The following DAB1 variants were observed in gnomAD, a reference collection of about 807,000 sequenced individuals.
DAB1 encodes disabled homolog 1.
In DAB1, 15 loss-of-function variants were observed where a neutral mutation model predicts 64.6. That is an observed-to-expected ratio of 0.23 (90% CI 0.16 to 0.36). The LOEUF (loss-of-function observed/expected upper bound fraction) is 0.36, where lower values mean the gene tolerates loss of function less well. Among genes scored for constraint, DAB1 ranks in the 10% least tolerant of loss-of-function variants. The probability of loss-of-function intolerance (pLI) is 1.00; values close to 1 mark genes in which losing one functional copy is unlikely to be tolerated. For missense variants in DAB1, 596 were observed against 706.7 expected (o/e 0.84, Z 1.78); for synonymous variants, 235 against 251.9 (o/e 0.93, Z 0.64).
At chr1:58,494,730 C>T (rs1164113660) in intron 3 of DAB1, among the ~76,000 whole-genome samples, 2 of 152,084 alleles carry the variant, frequency 1.3e-5, no homozygotes, top group African/African-American at 4.8e-5. Flanking sequence ...TACCATCTCA[C>T]ACCAGTTAGA....
In DAB1 at chr1:57,270,873, T is replaced by C. The variant is rs191051710; in HGVS notation, c.67+20091A>G. On this transcript the variant is annotated intron_variant, in intron 2 of 14. Coordinates refer to ENST00000371236, the MANE Select transcript of DAB1 (RefSeq NM_001365792.1). ...AGTTTAGGATTCAAACTTGGGCCTG[T>C]TGGAAACATCATACCTGAGCCACCC... Among the ~76,000 whole-genome samples, 310 of 152,264 alleles carry C rather than the reference T, an allele frequency of 2.0e-3. 2 individuals carry two copies. Among genetic ancestry groups the C allele is most frequent in the African/African-American group, 6.9e-3 (286 of 41,560 alleles).
intron 7 of DAB1, among the ~76,000 whole-genome samples, chr1:57,564,755 C>A (rs893955571): frequency 1.3e-5 from 2 of 152,160 alleles, no homozygotes; most frequent in Admixed American, 1.3e-4. Context: ...ACAAAGCCTC[C>A]AAGAAATATG....
At position 57,148,642 on chromosome 1, in the gene DAB1, C is replaced by G. The variant is rs935695172; in HGVS notation, c.68-3213G>C. On this transcript the variant is annotated intron_variant, in intron 2 of 14. Coordinates refer to ENST00000371236, the MANE Select transcript of DAB1 (RefSeq NM_001365792.1). ...GCTTCAAGATGGGCAAGAGAAAGAC[C>G]ACACGTTTAAGGAAAATCACCCATA... Among the ~76,000 whole-genome samples, 7 of 152,222 alleles carry G rather than the reference C, an allele frequency of 4.6e-5. No homozygotes were observed. The South Asian group carries it at 1.2e-3, about 27-fold the overall frequency.
chr1:58,260,489 C>T (rs1326034247), intron 4 of DAB1, among the ~76,000 whole-genome samples: 2 of 151,932 alleles, frequency 1.3e-5, no homozygotes, highest in Non-Finnish European at 2.9e-5. Context: ...GCCGTATGCC[C>T]ATCCCTCTCC....
Position 57,271,684 on chromosome 1 carries a change from C to T in DAB1, c.67+19280G>A, listed in dbSNP as rs74077635. Among the ~76,000 whole-genome samples the T allele has an allele frequency of 5.2e-3, 799 of 152,242 alleles. 9 individuals are homozygous for T. Among genetic ancestry groups the T allele is most frequent in the African/African-American group, 0.019 (776 of 41,546 alleles). On this transcript the variant is annotated intron_variant, in intron 2 of 14. Coordinates refer to ENST00000371236, the MANE Select transcript of DAB1 (RefSeq NM_001365792.1). ...AGAGGTCAGTATCCAAGTAGCCCCG[C>T]GGAGGGCCTGATTATCTGTGTTTGG...
At chr1:57,092,103 C>A (rs1231688857) in intron 4 of DAB1, among the ~76,000 whole-genome samples, 2 of 152,224 alleles carry the variant, frequency 1.3e-5, no homozygotes, top group Non-Finnish European at 2.9e-5. Flanking sequence ...AGTGCAGCTC[C>A]TGGGTAAACC....
At chr1:57,339,339 G>A (rs1301268836) in intron 1 of DAB1, among the ~76,000 whole-genome samples, 2 of 152,014 alleles carry the variant, frequency 1.3e-5, no homozygotes, top group African/African-American at 2.4e-5. Flanking sequence ...TGTATTTTTA[G>A]TAGAGATGGG....
chr1:58,036,908 G>C (rs1198327944), intron 5 of DAB1, among the ~76,000 whole-genome samples: 1 of 152,154 alleles, frequency 6.6e-6, no homozygotes, highest in Non-Finnish European at 1.5e-5. Flanking sequence ...AGTTGTGTAT[G>C]GCCATGTGCC....
At chr1:58,165,166 C>T (rs1421365440) in intron 4 of DAB1, among the ~76,000 whole-genome samples, 1 of 152,176 alleles carries the variant, frequency 6.6e-6, no homozygotes, top group Admixed American at 6.6e-5. Context: ...TCGCCACATT[C>T]ACACTGTTGC....
chr1:57,595,267 T>C (rs2101576531), intron 7 of DAB1, among the ~76,000 whole-genome samples: 1 of 151,974 alleles, frequency 6.6e-6, no homozygotes, highest in South Asian at 2.1e-4. Context: ...AGATTCTAGA[T>C]TTTTTTTAGA....
intron 4 of DAB1, among the ~76,000 whole-genome samples, chr1:58,331,646 A>G (rs1415231131): frequency 1.3e-5 from 2 of 152,136 alleles, no homozygotes; most frequent in Non-Finnish European, 1.5e-5. Flanking sequence ...TCAAAGCAAG[A>G]CCCTCCACTA....
chr1:57,180,810 G>C (rs1225037728), intron 2 of DAB1, among the ~76,000 whole-genome samples: 1 of 152,150 alleles, frequency 6.6e-6, no homozygotes, highest in Admixed American at 6.6e-5. Context: ...TTAATATTCA[G>C]TTCAAATGCC....
intron 7 of DAB1, among the ~76,000 whole-genome samples, chr1:57,604,737 G>T (rs993131755): frequency 1.3e-5 from 2 of 152,174 alleles, no homozygotes; most frequent in Non-Finnish European, 2.9e-5. Context: ...CCACTCCTCC[G>T]CATGGAGGAA....
intron 2 of DAB1, among the ~76,000 whole-genome samples, chr1:57,222,953 G>A (rs933882190): frequency 7.8e-4 from 118 of 152,148 alleles, no homozygotes; most frequent in African/African-American, 2.4e-3. Flanking sequence ...TCTGGAAACA[G>A]CTGCACCACA....
chr1:58,071,768 G>C (rs1483453531), intron 5 of DAB1: 3 of 152,128 alleles, frequency 2.0e-5, no homozygotes. Flanking sequence ...TGAACACACA[G>C]AATCACAGGA....
intron 7 of DAB1, among the ~76,000 whole-genome samples, chr1:57,621,708 G>A (rs945668334): frequency 5.3e-5 from 8 of 152,124 alleles, no homozygotes; most frequent in South Asian, 2.1e-4. Flanking sequence ...TGGGATTCTC[G>A]CTGCAGAGAG....
intron 3 of DAB1, among the ~76,000 whole-genome samples, chr1:58,400,400 A>G (rs1319218886): frequency 1.3e-5 from 2 of 152,186 alleles, no homozygotes; most frequent in African/African-American, 4.8e-5. Context: ...ATGGTGATGC[A>G]TGATTCAAGG....
chr1:58,480,833 T>C, intron 3 of DAB1: 1 of 572,640 alleles, frequency 1.7e-6, no homozygotes, highest in South Asian at 3.0e-5. Flanking sequence ...ATTTAGATAA[T>C]ATCTGTAATG....
intron 5 of DAB1, among the ~76,000 whole-genome samples, chr1:57,968,539 G>A (rs1156255657): frequency 2.0e-5 from 3 of 152,086 alleles, no homozygotes; most frequent in East Asian, 3.9e-4. Context: ...TGCATGTTTC[G>A]AGGATAGGAA....
Sources: allele counts gnomAD v4.1 joint callset (sites outside exome capture counted in the v4.1 genomes callset), GRCh38; gene constraint gnomAD v4.1.1; transcripts MANE v1.5; gene names NCBI Gene and HGNC (gene_info 2026-07-23, HGNC 2026-07-21).